The following RIPOR1 variants were observed in gnomAD, a reference collection of about 807,000 sequenced individuals.
The protein encoded by RIPOR1 is rho family-interacting cell polarization regulator 1.
A neutral mutation model predicts 116.5 loss-of-function variants in RIPOR1; 58 were observed. The observed-to-expected ratio is 0.50, with a 90% CI of 0.40 to 0.62. The LOEUF (loss-of-function observed/expected upper bound fraction) is 0.62. Ranked by LOEUF, RIPOR1 falls within the 20% of genes least tolerant of loss-of-function variation. The pLI is 0.00. For missense variants in RIPOR1, 1,372 were observed against 1,586.2 expected, an observed-to-expected ratio of 0.86 and a Z score of 2.29; for synonymous variants, 605 against 650.0, an observed-to-expected ratio of 0.93 and a Z score of 1.05.
Position 67,543,644 on chromosome 16 carries a change from CT to C in RIPOR1, c.2600+176del, listed in dbSNP as rs1172364223. ...CTGGCAGGTGCACCTGTGTCCACCC[CT>C]CCCATGTCCTTCATGCCCATGTCTC... On this transcript the variant is annotated intron_variant, in intron 14 of 21. Transcript: ENST00000042381. This position sits in a 1 kb window ranked among gnomAD's most constrained non-coding sequence, Gnocchi z 4.7. The C allele has an allele frequency of 3.7e-6, 3 of 810,836 alleles. No homozygotes were observed. The African/African-American group carries it at 5.1e-5, about 14-fold the overall frequency. 50.2% of individuals were successfully genotyped at this position (810,836 alleles called of 1,614,324 possible). A position where few individuals can be genotyped will look rare whatever the true frequency, so the allele number is the denominator to read the frequency against.
chr16:67,545,632 G>GCCCA lies in RIPOR1; in HGVS notation c.3191-21_3191-18dup. On this transcript the variant is annotated intron_variant, in intron 18 of 21. Coordinates refer to ENST00000042381, the MANE Select transcript of RIPOR1 (RefSeq NM_024519.4). The surrounding 1 kb of genome is among the most constrained non-coding windows in gnomAD (Gnocchi z 4.8). ...CGGGGGCTCCTCACCCTGCCACCTT[G>GCCCA]CCCACCCACCCACCATATCCCCTTT... The GCCCA allele has an allele frequency of 6.5e-7, 1 of 1,545,054 alleles. No homozygotes were observed. Among genetic ancestry groups the GCCCA allele is most frequent in the Non-Finnish European group, 8.8e-7 (1 of 1,133,342 alleles).
At chr16:67,520,777 G>A (rs1280700159) in intron 1 of RIPOR1, among the ~76,000 whole-genome samples, 2 of 151,750 alleles carry the variant, frequency 1.3e-5, no homozygotes, top group African/African-American at 4.9e-5. Context: ...TACAGCCTAG[G>A]CGACAGAGTG....
At chr16:67,533,776 GGACAAA>G (rs1289012808) in intron 1 of RIPOR1, among the ~76,000 whole-genome samples, 1 of 150,660 alleles carries the variant, frequency 6.6e-6, no homozygotes, top group Admixed American at 6.7e-5. Flanking sequence ...TGGGGTAGCT[GGACAAA>G]GACAGAAGGT....
upstream of RIPOR1, chr16:67,528,425 T>C (rs1385302509): frequency 6.6e-6 from 1 of 152,124 alleles, no homozygotes; most frequent in Non-Finnish European, 1.5e-5. Context: ...CCAGGCGGCT[T>C]CTGGACTCCC....
chr16:67,545,141 C>T lies in RIPOR1; in HGVS notation c.3031+24C>T, dbSNP rs746804250. The stretch of plus-strand genomic sequence containing the variant: ...TGGTGAGTGGGCTGCTTCCTCCTTC[C>T]ACCCTTGCTCAGATTCCCAGTGACA... On this transcript the variant is annotated intron_variant, in intron 17 of 21. Coordinates refer to ENST00000042381, the MANE Select transcript of RIPOR1 (RefSeq NM_024519.4). This position sits in a 1 kb window ranked among gnomAD's most constrained non-coding sequence, Gnocchi z 4.8. 1.9e-6 allele frequency: 3 copies of T among 1,605,678 alleles called. No homozygotes were observed. The highest frequency in any genetic ancestry group is 2.2e-5 in the South Asian group (2 of 91,050).
At position 67,529,795 on chromosome 16, in the gene RIPOR1, G is replaced by T. The variant is rs1270873279; in HGVS notation, c.-24+881G>T. Reference sequence around the variant, plus strand: ...GCCGCGCCCTGGGCCTGCCGCATTCGGCCAACGCACAGCATCTGAGGAGGG... The same window carrying T: ...GCCGCGCCCTGGGCCTGCCGCATTCTGCCAACGCACAGCATCTGAGGAGGG... On this transcript the variant is annotated intron_variant, in intron 1 of 21. Coordinates refer to ENST00000042381, the MANE Select transcript of RIPOR1 (RefSeq NM_024519.4). This position sits in a 1 kb window ranked among gnomAD's most constrained non-coding sequence, Gnocchi z 4.1. The T allele has an allele frequency of 6.5e-7, 1 of 1,535,694 alleles. No homozygotes were observed. The highest frequency in any genetic ancestry group is 8.7e-7 in the Non-Finnish European group (1 of 1,146,892).
chr16:67,529,145 G>T lies in RIPOR1; in HGVS notation c.-24+231G>T, dbSNP rs1487376985. On this transcript the variant is annotated intron_variant, in intron 1 of 21. Coordinates refer to ENST00000042381, the MANE Select transcript of RIPOR1 (RefSeq NM_024519.4). The surrounding 1 kb of genome is among the most constrained non-coding windows in gnomAD (Gnocchi z 4.1). ...CGCCTCCGGGCCTGCAGAGCCTGGC[G>T]CTGCTGCCTTCCTCCCACGGCAAGG... 6.6e-6 allele frequency among the ~76,000 whole-genome samples: 1 copy of T among 152,208 alleles called. No homozygotes were observed. Among genetic ancestry groups the T allele is most frequent in the Non-Finnish European group, 1.5e-5 (1 of 68,016 alleles).
Position 67,537,412 on chromosome 16 carries a change from G to C in RIPOR1, c.-23-1012G>C. On this transcript the variant is annotated intron_variant, in intron 1 of 21. Transcript: ENST00000042381. The surrounding 1 kb of genome is among the most constrained non-coding windows in gnomAD (Gnocchi z 4.6). Reference sequence around the variant, plus strand: ...TCACCGGTCCCGCCCCATCCAGGCGGGCTGAGTCAGGCGGCAGGAACTGGG... The same window carrying C: ...TCACCGGTCCCGCCCCATCCAGGCGCGCTGAGTCAGGCGGCAGGAACTGGG... 8.1e-7 allele frequency: 1 copy of C among 1,239,680 alleles called. No individual in the cohort carries two copies. Among genetic ancestry groups the C allele is most frequent in the South Asian group, 3.4e-5 (1 of 29,554 alleles). The allele number at this position is 1,239,680 out of a possible 1,614,324, so 76.8% of individuals were successfully genotyped here. A position where few individuals can be genotyped will look rare whatever the true frequency, so the allele number is the denominator to read the frequency against.
Position 67,546,047 on chromosome 16 carries a change from C to T in RIPOR1, c.3471+15C>T. ...GCTGCATCAAGGTGACCCCTGCCAA[C>T]CCTCCCACCCCTCTGTCCGCTTCCG... On this transcript the variant is annotated intron_variant, in intron 20 of 21. Coordinates refer to ENST00000042381, the MANE Select transcript of RIPOR1 (RefSeq NM_024519.4). The T allele has an allele frequency of 1.2e-6, 2 of 1,604,788 alleles. No individual in the cohort carries two copies. Among genetic ancestry groups the T allele is most frequent in the Non-Finnish European group, 8.5e-7 (1 of 1,174,082 alleles).
chr16:67,538,011 C>G (rs1597635778), intron 1 of RIPOR1: 1 of 211,024 alleles, frequency 4.7e-6, no homozygotes, highest in East Asian at 1.0e-4. Context: ...GTGGGGGGCC[C>G]CGAGCTCCGG....
At position 67,544,667 on chromosome 16, in the gene RIPOR1, G is replaced by C; in HGVS notation, c.2734-28G>C. 1 of 1,611,120 alleles carries C rather than the reference G, an allele frequency of 6.2e-7. No homozygotes were observed. The highest frequency in any genetic ancestry group is 8.5e-7 in the Non-Finnish European group (1 of 1,179,956). ...CCTCCCGAGCCCTACCCTGAGGCCTGAGCTACTTGGCCACCCATGTTCTCC... is the reference window on the plus strand; with the variant it reads ...CCTCCCGAGCCCTACCCTGAGGCCTCAGCTACTTGGCCACCCATGTTCTCC... On this transcript the variant is annotated intron_variant, in intron 15 of 21. Coordinates refer to ENST00000042381, the MANE Select transcript of RIPOR1 (RefSeq NM_024519.4). This position sits in a 1 kb window ranked among gnomAD's most constrained non-coding sequence, Gnocchi z 5.1.
At position 67,523,140 on chromosome 16, in the gene RIPOR1, G is replaced by A. The variant is rs536052042; in HGVS notation, c.-24+4527G>A. On this transcript the variant is annotated intron_variant, in intron 1 of 1. Transcript: ENST00000562116. ...CCCAGCATCCAGAATGATGCCAGGC[G>A]CATAGCACATGCTCAATCCATGCCT... Among the ~76,000 whole-genome samples, 70 of 152,268 alleles carry A rather than the reference G, an allele frequency of 4.6e-4. No homozygotes were observed. In the South Asian group the frequency reaches 0.014, roughly 30 times the overall value.
chr16:67,546,462 A>G lies in RIPOR1; in HGVS notation c.3659A>G (p.Ter1220=), dbSNP rs562813919. 82 of 1,613,556 alleles carry G rather than the reference A, an allele frequency of 5.1e-5. No individual in the cohort carries two copies. The South Asian group carries it at 6.9e-4, about 14-fold the overall frequency. The change falls in exon 22 of 22, where the codon TAA becomes TGA. Residue 1220 remains the stop codon, a stop_retained_variant. Transcript: ENST00000042381. The part of the protein sequence containing the change: ...GPGSMASTAF[*] ...GGCAGCATGGCCAGCACAGCATTCTAAACTATTCACCCATGGGTTCCTGGT... is the reference window on the plus strand; with the variant it reads ...GGCAGCATGGCCAGCACAGCATTCTGAACTATTCACCCATGGGTTCCTGGT...
chr16:67,540,548 C>T lies in RIPOR1; in HGVS notation c.676-31C>T, dbSNP rs965785285. The T allele has an allele frequency of 1.9e-6, 3 of 1,613,974 alleles. No individual in the cohort carries two copies. The highest frequency in any genetic ancestry group is 2.7e-5 in the African/African-American group (2 of 74,914). ...GGCTGGGTCGGTAGGGTCCCAACAC[C>T]TAGGCTGCCTCATCCTACCTGTTCC... On this transcript the variant is annotated intron_variant, in intron 9 of 21. Coordinates refer to ENST00000042381, the MANE Select transcript of RIPOR1 (RefSeq NM_024519.4). This position sits in a 1 kb window ranked among gnomAD's most constrained non-coding sequence, Gnocchi z 4.7.
rs137895953 is a variant in RIPOR1, at chr16:67,544,977, G to C, written c.2891G>C (p.Arg964Pro). 31 of 1,612,754 alleles carry C rather than the reference G, an allele frequency of 1.9e-5. No individual in the cohort carries two copies. The highest frequency in any genetic ancestry group is 6.7e-5 in the Admixed American group (4 of 60,006). ...ACAGTGGTGCAGTTCTCGGCCTCTCGGCCTGGCTTCCTGACCTTCTGGGAC... is the reference window on the plus strand; with the variant it reads ...ACAGTGGTGCAGTTCTCGGCCTCTCCGCCTGGCTTCCTGACCTTCTGGGAC... Reference protein sequence around the residue: ...AQEVVQFSASRPGFLTFWDQC... With the variant: ...AQEVVQFSASPPGFLTFWDQC... The change falls in exon 17 of 22, where the codon CGG becomes CCG. Residue 964 changes from arginine to proline, a missense_variant. Physicochemically the swap from Arg to Pro is moderately radical, Grantham distance 103 (BLOSUM62 -2). This residue lies in a region of RIPOR1 where 1,005 missense variants were observed against 1,144.7 expected (regional missense o/e 0.88). Coordinates refer to ENST00000042381, the MANE Select transcript of RIPOR1 (RefSeq NM_024519.4). The surrounding 1 kb of genome is among the most constrained non-coding windows in gnomAD (Gnocchi z 5.1).
chr16:67,537,384 C>T lies in RIPOR1; in HGVS notation c.-23-1040C>T. ...TCGGTCCCCTCCCCGAGGGGAACCCCAGTCACCGGTCCCGCCCCATCCAGG... is the reference window on the plus strand; with the variant it reads ...TCGGTCCCCTCCCCGAGGGGAACCCTAGTCACCGGTCCCGCCCCATCCAGG... On this transcript the variant is annotated intron_variant, in intron 1 of 21. Transcript: ENST00000042381. This position sits in a 1 kb window ranked among gnomAD's most constrained non-coding sequence, Gnocchi z 4.6. 2 of 1,231,064 alleles carry T rather than the reference C, an allele frequency of 1.6e-6. No individual in the cohort carries two copies. Among genetic ancestry groups the T allele is most frequent in the South Asian group, 3.7e-5 (1 of 26,744 alleles). 76.3% of individuals were successfully genotyped at this position (1,231,064 alleles called of 1,614,324 possible).
Position 67,542,833 on chromosome 16 carries a change from G to T in RIPOR1, c.2047G>T (p.Glu683Ter). The change falls in exon 13 of 22, where the codon GAA (glutamate) becomes TAA (stop). Residue 683 changes from glutamate to a stop codon, truncating the protein, a stop_gained. Coordinates refer to ENST00000042381, the MANE Select transcript of RIPOR1 (RefSeq NM_024519.4). LOFTEE classifies it high-confidence loss of function. The surrounding 1 kb of genome is among the most constrained non-coding windows in gnomAD (Gnocchi z 4.6). ...AAATGTAAGCCCTTCCACTTCTCTA[G>T]AACTTGCTACCCTCTCCAGCCCCTC... Reference protein sequence around the residue: ...LINVSPSTSLELATLSSPSKH... With the variant: ...LINVSPSTSL 1 of 1,613,522 alleles carries T rather than the reference G, an allele frequency of 6.2e-7. No homozygotes were observed. Among genetic ancestry groups the T allele is most frequent in the African/African-American group, 1.3e-5 (1 of 74,718 alleles).
At chr16:67,520,779 G>A (rs551239792) in intron 1 of RIPOR1, among the ~76,000 whole-genome samples, 1 of 151,308 alleles carries the variant, frequency 6.6e-6, no homozygotes, top group South Asian at 2.1e-4. Flanking sequence ...CAGCCTAGGC[G>A]ACAGAGTGAG....
chr16:67,536,173 C>T (rs763663337), intron 1 of RIPOR1, among the ~76,000 whole-genome samples: 30 of 152,248 alleles, frequency 2.0e-4, no homozygotes, highest in Middle Eastern at 3.4e-3. Context: ...ATAGGCTGGG[C>T]GCGGTGGCTC....
Sources: allele counts gnomAD v4.1 joint callset (sites outside exome capture counted in the v4.1 genomes callset), GRCh38; gene constraint gnomAD v4.1.1; regional missense constraint gnomAD v4.1.1; non-coding constraint Gnocchi (gnomAD v3.1); transcripts MANE v1.5; gene names NCBI Gene and HGNC (gene_info 2026-07-23, HGNC 2026-07-21).